CACNA1C: variants seen among roughly 807,000 people sequenced by gnomAD.
CACNA1C encodes calcium voltage-gated channel subunit alpha1 C.
A neutral mutation model predicts 229.0 loss-of-function variants in CACNA1C; 30 were observed. The ratio of observed to expected loss-of-function variants is 0.13; its 90% CI spans 0.10 to 0.18. The LOEUF is 0.18. CACNA1C is among the 10% of genes least tolerant of loss of function. The probability of loss-of-function intolerance (pLI) is 1.00; values close to 1 mark genes in which losing one functional copy is unlikely to be tolerated. For missense variants in CACNA1C, 1,658 were observed against 2,845.0 expected, an observed-to-expected ratio of 0.58 and a Z score of 9.49; for synonymous variants, 1,114 against 1,132.5, an observed-to-expected ratio of 0.98 and a Z score of 0.33.
chr12:2,066,006 G>C (rs1266476162), intron 1 of CACNA1C, among the ~76,000 whole-genome samples: 1 of 152,140 alleles, frequency 6.6e-6, no homozygotes, highest in Non-Finnish European at 1.5e-5. Context: ...CGTTTAAAGT[G>C]TTTGAGTGGA....
intron 4 of CACNA1C, among the ~76,000 whole-genome samples, chr12:2,449,940 T>C (rs2099345309): frequency 6.6e-6 from 1 of 152,162 alleles, no homozygotes; most frequent in South Asian, 2.1e-4. Context: ...CCATTCTCAC[T>C]CTACAGGGGG....
intron 1 of CACNA1C, chr12:2,004,127 C>T (rs987648758): frequency 3.7e-6 from 4 of 1,067,118 alleles, no homozygotes; most frequent in African/African-American, 3.2e-5. Flanking sequence ...ACCCCCGAGA[C>T]CCCATCTCCA....
rs565390853 is a variant in CACNA1C at position 2,410,715 on chromosome 12, C to T, written c.478-38261C>T. Reference sequence around the variant, plus strand: ...TGGCTCGCCTGTGTGTGTGTGTGTGCGTGCACGCATGTGTGTGTGTGCATG... The same window carrying T: ...TGGCTCGCCTGTGTGTGTGTGTGTGTGTGCACGCATGTGTGTGTGTGCATG... On this transcript the variant is annotated intron_variant, in intron 3 of 46. Coordinates refer to ENST00000399655, the MANE Select transcript of CACNA1C (RefSeq NM_000719.7). The surrounding 1 kb of genome is among the most constrained non-coding windows in gnomAD (Gnocchi z 5.3). Among the ~76,000 whole-genome samples, 25 of 138,012 alleles carry T rather than the reference C, an allele frequency of 1.8e-4. No homozygotes were observed. The South Asian group carries it at 5.9e-3, about 33-fold the overall frequency. The allele number at this position is 138,012 out of a possible 152,430, so 90.5% of individuals were successfully genotyped here. A position where few individuals can be genotyped will look rare whatever the true frequency, so the allele number is the denominator to read the frequency against.
rs757105508 is a variant in CACNA1C at position 2,597,065 on chromosome 12, G to A, written c.2794-165G>A. Among the ~76,000 whole-genome samples, 6 of 152,108 alleles carry A rather than the reference G, an allele frequency of 3.9e-5. No homozygotes were observed. The highest frequency in any genetic ancestry group is 7.4e-5 in the Non-Finnish European group (5 of 68,002). ...GCCTCAGGATGTCTGTGTGTGTGCC[G>A]CTTGCCCCCCATGTCCATCTGTGTC... On this transcript the variant is annotated intron_variant, in intron 20 of 46. Transcript: ENST00000399655. This position sits in a 1 kb window ranked among gnomAD's most constrained non-coding sequence, Gnocchi z 4.3.
At chr12:2,684,176 G>C (rs2097324365) in intron 43 of CACNA1C, among the ~76,000 whole-genome samples, 1 of 152,176 alleles carries the variant, frequency 6.6e-6, no homozygotes, top group Non-Finnish European at 1.5e-5. Context: ...GGGAAGAGTA[G>C]CAGAAGCACC....
chr12:2,306,448 T>C (rs2095032842), intron 3 of CACNA1C, among the ~76,000 whole-genome samples: 1 of 152,208 alleles, frequency 6.6e-6, no homozygotes, highest in Non-Finnish European at 1.5e-5. Flanking sequence ...TCATAGCTAG[T>C]TTGAATCCTA....
intron 1 of CACNA1C, among the ~76,000 whole-genome samples, chr12:2,065,038 G>C (rs959910833): frequency 6.6e-6 from 1 of 152,142 alleles, no homozygotes; most frequent in African/African-American, 2.4e-5. Flanking sequence ...CCTCTCCTTT[G>C]GGCTCTGCCC....
chr12:2,256,457 T>G (rs1327348191), intron 3 of CACNA1C, among the ~76,000 whole-genome samples: 1 of 152,212 alleles, frequency 6.6e-6, no homozygotes, highest in Non-Finnish European at 1.5e-5. Flanking sequence ...TCAAATGAAT[T>G]AATGTGTTGA....
At chr12:2,062,834 C>T (rs1012084810) in intron 1 of CACNA1C, among the ~76,000 whole-genome samples, 3 of 152,232 alleles carry the variant, frequency 2.0e-5, no homozygotes, top group African/African-American at 7.2e-5. Flanking sequence ...AATAGACACT[C>T]TCCATTCTCA....
chr12:2,247,852 A>C (rs2074019152), intron 3 of CACNA1C, among the ~76,000 whole-genome samples: 1 of 152,152 alleles, frequency 6.6e-6, no homozygotes, highest in Non-Finnish European at 1.5e-5. Flanking sequence ...AGACAACTTG[A>C]ATTTTAGGAA....
At chr12:2,418,496 T>A (rs982507752) in intron 3 of CACNA1C, among the ~76,000 whole-genome samples, 1 of 151,930 alleles carries the variant, frequency 6.6e-6, no homozygotes, top group Non-Finnish European at 1.5e-5. Context: ...CAGCAGACTG[T>A]TGCTCAGTTA....
intron 1 of CACNA1C, among the ~76,000 whole-genome samples, chr12:2,076,739 A>G (rs1481839674): frequency 1.3e-5 from 2 of 152,160 alleles, no homozygotes; most frequent in African/African-American, 2.4e-5. Flanking sequence ...GCTGTTTTTA[A>G]TGGGATGACA....
chr12:2,540,615 G>A (rs2099867491), intron 9 of CACNA1C, among the ~76,000 whole-genome samples: 1 of 152,174 alleles, frequency 6.6e-6, no homozygotes, highest in Non-Finnish European at 1.5e-5. Flanking sequence ...AGTCCCAGGA[G>A]GACTGTGCTG....
intron 1 of CACNA1C, chr12:1,991,281 A>G (rs1316300411): frequency 2.2e-6 from 1 of 454,726 alleles, no homozygotes; most frequent in South Asian, 1.6e-5. Flanking sequence ...TACTCCACAA[A>G]ATTGTGATTA....
intron 3 of CACNA1C, among the ~76,000 whole-genome samples, chr12:2,263,118 A>G (rs573513978): frequency 6.6e-6 from 1 of 152,322 alleles, no homozygotes; most frequent in Non-Finnish European, 1.5e-5. Flanking sequence ...TGTGAAGATA[A>G]CGTTTGAGCA....
intron 3 of CACNA1C, among the ~76,000 whole-genome samples, chr12:2,381,161 T>TG (rs985547759): frequency 2.6e-5 from 4 of 152,210 alleles, no homozygotes; most frequent in African/African-American, 9.6e-5. Context: ...TTGTCATCTC[T>TG]GAATGGAGGA....
rs1200454267 is a variant in CACNA1C, at chr12:1,971,091, C to G, written c.29C>G (p.Thr10Arg). 1.6e-6 allele frequency: 2 copies of G among 1,288,670 alleles called. No homozygotes were observed. Among genetic ancestry groups the G allele is most frequent in the Non-Finnish European group, 2.0e-6 (2 of 987,862 alleles). The allele number at this position is 1,288,670 out of a possible 1,614,324, so 79.8% of individuals were successfully genotyped here. The change falls in exon 1 of 47, where the codon ACG becomes AGG. Residue 10 changes from threonine (T) to arginine (R), a missense_variant. Coordinates refer to the CACNA1C transcript ENST00000682462. This position sits in a 1 kb window ranked among gnomAD's most constrained non-coding sequence, Gnocchi z 4.2. The stretch of plus-strand genomic sequence containing the variant: ...CTTCGAGCCTTTGTTCAGCCTGGTA[C>G]GCCTGCATACCAGCCGCTTCCCAGC...
chr12:2,120,055 TGAAAG>T (rs1370533074), intron 2 of CACNA1C, among the ~76,000 whole-genome samples: 4 of 151,996 alleles, frequency 2.6e-5, no homozygotes, highest in South Asian at 2.1e-4. Context: ...TCTAAATAAA[TGAAAG>T]GAGGGGAACA....
chr12:2,679,138 C>G lies in CACNA1C; in HGVS notation c.5092-306C>G, dbSNP rs535579799. ...CAGCCTTCAGGGGCTTCACTGGAAA[C>G]CTCCAGGGCAGCTCGTACCAGCGGC... On this transcript the variant is annotated intron_variant, in intron 41 of 46. Coordinates refer to ENST00000399655, the MANE Select transcript of CACNA1C (RefSeq NM_000719.7). The surrounding 1 kb of genome is among the most constrained non-coding windows in gnomAD (Gnocchi z 5.5). 6.6e-6 allele frequency among the ~76,000 whole-genome samples: 1 copy of G among 152,228 alleles called. No individual in the cohort carries two copies. Among genetic ancestry groups the G allele is most frequent in the Non-Finnish European group, 1.5e-5 (1 of 68,026 alleles).
Sources: allele counts gnomAD v4.1 joint callset (sites outside exome capture counted in the v4.1 genomes callset), GRCh38; gene constraint gnomAD v4.1.1; non-coding constraint Gnocchi (gnomAD v3.1); transcripts MANE v1.5; gene names NCBI Gene and HGNC (gene_info 2026-07-23, HGNC 2026-07-21).